The following KHDC1 variants were observed in gnomAD, a reference collection of about 807,000 sequenced individuals.
KHDC1 encodes KH domain containing 1.
A neutral mutation model predicts 24.7 loss-of-function variants in KHDC1; 21 were observed. That is an observed-to-expected ratio of 0.85 (90% CI 0.60 to 1.23). The LOEUF (loss-of-function observed/expected upper bound fraction) is 1.23. Ranked by LOEUF, KHDC1 falls within the 50% of genes most tolerant of loss-of-function variation. KHDC1 has a pLI of 0.00. For synonymous variants in KHDC1, 98 were observed against 111.7 expected, an observed-to-expected ratio of 0.88 and a Z score of 0.77; for missense variants, 274 against 298.5, an observed-to-expected ratio of 0.92 and a Z score of 0.61.
At chr6:73,259,991 C>A (rs967825446) in intron 2 of KHDC1, among the ~76,000 whole-genome samples, 4 of 152,144 alleles carry the variant, frequency 2.6e-5, no homozygotes. Flanking sequence ...GGAAGCATAT[C>A]TAAGATGCCA....
chr6:73,257,700 T>G (rs1766906352), intron 2 of KHDC1, among the ~76,000 whole-genome samples: 1 of 150,708 alleles, frequency 6.6e-6, no homozygotes, highest in Non-Finnish European at 1.5e-5. Context: ...CCTGGCCCTT[T>G]TTGGTTCTTG....
At chr6:73,272,856 CT>C (rs1158620688) in intron 2 of KHDC1, among the ~76,000 whole-genome samples, 1 of 135,276 alleles carries the variant, frequency 7.4e-6, no homozygotes, top group African/African-American at 3.0e-5. Flanking sequence ...CTTTTCTTTT[CT>C]TTTTCTTTTT....
At chr6:73,307,249 G>T (rs1161670859) in intron 1 of KHDC1, among the ~76,000 whole-genome samples, 1 of 151,934 alleles carries the variant, frequency 6.6e-6, no homozygotes, top group Admixed American at 6.6e-5. Flanking sequence ...ACAAGATGGT[G>T]AAACCCCGTC....
At chr6:73,277,002 A>G (rs1767311143) in intron 2 of KHDC1, among the ~76,000 whole-genome samples, 1 of 152,216 alleles carries the variant, frequency 6.6e-6, no homozygotes, top group Non-Finnish European at 1.5e-5. Context: ...TTTTGTGTTA[A>G]GTGGGTGTAG....
intron 2 of KHDC1, among the ~76,000 whole-genome samples, chr6:73,257,424 G>C (rs1167145163): frequency 2.0e-5 from 3 of 152,164 alleles, no homozygotes; most frequent in Non-Finnish European, 4.4e-5. Flanking sequence ...TATTTGTTTT[G>C]AGACGAAGTC....
rs1471760710 is a variant in KHDC1 at position 73,263,216 on chromosome 6, G to T, written c.207-20686C>A. Reference sequence around the variant, plus strand: ...GGAAGTGGCGGCGACCCCGCCGGAAGCGCGCGGCTGCGGCGCGGGAAGCAA... The same window carrying T: ...GGAAGTGGCGGCGACCCCGCCGGAATCGCGCGGCTGCGGCGCGGGAAGCAA... On this transcript the variant is annotated intron_variant, in intron 2 of 4. Transcript: ENST00000370384. The T allele has an allele frequency of 1.3e-5, 13 of 987,086 alleles. No homozygotes were observed. Among genetic ancestry groups the T allele is most frequent in the Non-Finnish European group, 1.6e-5 (13 of 830,850 alleles). The allele number at this position is 987,086 out of a possible 1,614,324, so 61.1% of individuals were successfully genotyped here. A position where few individuals can be genotyped will look rare whatever the true frequency, so the allele number is the denominator to read the frequency against.
intron 1 of KHDC1, among the ~76,000 whole-genome samples, chr6:73,297,261 T>C (rs1767775091): frequency 6.6e-6 from 1 of 152,116 alleles, no homozygotes; most frequent in Non-Finnish European, 1.5e-5. Flanking sequence ...TTTTTTTTCT[T>C]CATTTAATAA....
intron 2 of KHDC1, among the ~76,000 whole-genome samples, chr6:73,289,703 T>C (rs1029694416): frequency 3.9e-5 from 6 of 152,046 alleles, no homozygotes; most frequent in Non-Finnish European, 8.8e-5. Context: ...GACTCACACC[T>C]GTAATTCCAG....
intron 1 of KHDC1, chr6:73,292,562 G>GT: frequency 1.3e-6 from 1 of 767,188 alleles, no homozygotes. Context: ...TAATAATTCT[G>GT]TGAGTTCTCC....
At chr6:73,258,668 G>A (rs1766925496) in intron 2 of KHDC1, among the ~76,000 whole-genome samples, 2 of 152,218 alleles carry the variant, frequency 1.3e-5, no homozygotes, top group African/African-American at 4.8e-5. Flanking sequence ...GGCGGAAGGT[G>A]GAGGGAGTGA....
chr6:73,244,974 A>G (rs1056625223), intron 2 of KHDC1, among the ~76,000 whole-genome samples: 1 of 152,204 alleles, frequency 6.6e-6, no homozygotes, highest in African/African-American at 2.4e-5. Context: ...GTCTGCGAAA[A>G]AAGCACAAGA....
At chr6:73,289,434 G>A (rs1414826779) in intron 2 of KHDC1, among the ~76,000 whole-genome samples, 1 of 151,072 alleles carries the variant, frequency 6.6e-6, no homozygotes, top group African/African-American at 2.4e-5. Flanking sequence ...TGGATCATTG[G>A]AGGCCAGGAG....
intron 1 of KHDC1, among the ~76,000 whole-genome samples, chr6:73,295,238 C>T (rs576229): frequency 0.68 from 102,945 of 152,016 alleles, 38,515 homozygotes; most frequent in Non-Finnish European, 0.83. Context: ...CCTACTCCTC[C>T]TTCATCTTAC....
intron 2 of KHDC1, among the ~76,000 whole-genome samples, chr6:73,288,322 C>G (rs938883596): frequency 1.4e-4 from 22 of 152,146 alleles, no homozygotes; most frequent in African/African-American, 5.3e-4. Flanking sequence ...CAGAAAAGAT[C>G]AGAAACAGTT....
chr6:73,246,858 G>C (rs903324604), intron 2 of KHDC1, among the ~76,000 whole-genome samples: 3 of 151,174 alleles, frequency 2.0e-5, no homozygotes, highest in Non-Finnish European at 4.4e-5. Flanking sequence ...TAAATTAGAA[G>C]AGCAAACATT....
intron 1 of KHDC1, chr6:73,309,504 AC>A (rs746851614): frequency 1.4e-5 from 21 of 1,474,068 alleles, no homozygotes; most frequent in Non-Finnish European, 1.9e-5. Context: ...CTTTCCGGGC[AC>A]CTGGGTGAAG....
chr6:73,270,831 C>G (rs1196212973), intron 2 of KHDC1, among the ~76,000 whole-genome samples: 1 of 151,906 alleles, frequency 6.6e-6, no homozygotes. Context: ...GCTGGGACTA[C>G]AGGCGCGTGC....
At chr6:73,261,517 C>T (rs1489618848) in intron 2 of KHDC1, among the ~76,000 whole-genome samples, 3 of 152,160 alleles carry the variant, frequency 2.0e-5, no homozygotes, top group Admixed American at 2.0e-4. Context: ...CACCTGTAAT[C>T]CCAACACTTT....
chr6:73,241,431 G>A, exon 5 of KHDC1: 1 of 1,191,662 alleles, frequency 8.4e-7, no homozygotes, highest in Non-Finnish European at 1.2e-6. Context: ...CCGGCCACAA[G>A]TTCAAACTTT....
Sources: gnomAD v4.1 joint callset for allele counts (sites outside exome capture counted in the v4.1 genomes callset) on GRCh38, gnomAD v4.1.1 for gene constraint, MANE v1.5 for transcripts, NCBI Gene and HGNC (gene_info 2026-07-23, HGNC 2026-07-21) for gene names.